The following DENND1B variants were observed in gnomAD, a reference collection of about 807,000 sequenced individuals.
DENND1B encodes the protein DENN domain-containing protein 1B.
A neutral mutation model predicts 90.1 loss-of-function variants in DENND1B; 59 were observed. The observed-to-expected ratio is 0.65, with a 90% confidence interval of 0.53 to 0.81. The LOEUF is 0.81. Among genes scored for constraint, DENND1B ranks in the 40% least tolerant of loss-of-function variants. The pLI, the probability that DENND1B is intolerant of heterozygous loss-of-function variation, is 0.00. For synonymous variants in DENND1B, 337 were observed against 324.6 expected (o/e 1.04, Z -0.41); for missense variants, 862 against 912.6 (o/e 0.94, Z 0.71).
At chr1:197,516,980 G>T (rs1382470485) in intron 20 of DENND1B, among the ~76,000 whole-genome samples, 1 of 151,688 alleles carries the variant, frequency 6.6e-6, no homozygotes, top group Non-Finnish European at 1.5e-5. Flanking sequence ...CCTCTGTATG[G>T]CCACATATTT....
chr1:197,761,714 A>T (rs1199673478), intron 2 of DENND1B: 2 of 152,184 alleles, frequency 1.3e-5, no homozygotes, highest in East Asian at 1.9e-4. Context: ...AGATAAAATT[A>T]TTATTTTAAT....
intron 10 of DENND1B, among the ~76,000 whole-genome samples, chr1:197,634,570 G>T (rs987937497): frequency 2.0e-5 from 3 of 152,132 alleles, no homozygotes; most frequent in Non-Finnish European, 4.4e-5. Context: ...TCTGAAAAGG[G>T]TTTAAGATGT....
At chr1:197,574,765 C>T (rs1253133844) in intron 15 of DENND1B, among the ~76,000 whole-genome samples, 1 of 152,112 alleles carries the variant, frequency 6.6e-6, no homozygotes, top group Non-Finnish European at 1.5e-5. Flanking sequence ...TGGAACAGAA[C>T]AGAGCCCTCA....
intron 20 of DENND1B, among the ~76,000 whole-genome samples, chr1:197,537,046 A>G (rs926704682): frequency 1.3e-5 from 2 of 150,144 alleles, no homozygotes; most frequent in African/African-American, 4.9e-5. Context: ...GTCTCAGAGA[A>G]AAAAAAAAAA....
At chr1:197,754,406 G>T (rs947442560) in intron 2 of DENND1B, among the ~76,000 whole-genome samples, 1 of 151,904 alleles carries the variant, frequency 6.6e-6, no homozygotes, top group Admixed American at 6.6e-5. Flanking sequence ...GATAAAGTAG[G>T]CCAGGCACAG....
At chr1:197,586,434 C>T (rs1049707238) in intron 14 of DENND1B, among the ~76,000 whole-genome samples, 1 of 151,382 alleles carries the variant, frequency 6.6e-6, no homozygotes, top group Admixed American at 6.6e-5. Flanking sequence ...ATACATATAC[C>T]TCACATAAAT....
intron 14 of DENND1B, among the ~76,000 whole-genome samples, chr1:197,592,771 G>A (rs1675350434): frequency 6.6e-6 from 1 of 152,138 alleles, no homozygotes; most frequent in Non-Finnish European, 1.5e-5. Context: ...ACCTGAGACT[G>A]ATCTGTCATT....
chr1:197,626,936 G>A (rs1252237395), intron 10 of DENND1B, among the ~76,000 whole-genome samples: 1 of 152,058 alleles, frequency 6.6e-6, no homozygotes, highest in South Asian at 2.1e-4. Context: ...AGAAGAAATG[G>A]ATAAATTCCT....
At chr1:197,568,832 A>G (rs1031660980) in intron 15 of DENND1B, among the ~76,000 whole-genome samples, 5 of 152,134 alleles carry the variant, frequency 3.3e-5, no homozygotes, top group African/African-American at 4.8e-5. Context: ...ATTTATAAAC[A>G]TAAGACCTGA....
At chr1:197,746,702 TA>T in intron 2 of DENND1B, 1 of 837,500 alleles carries the variant, frequency 1.2e-6, no homozygotes, top group Non-Finnish European at 2.1e-6. Flanking sequence ...ACGTTCTCAG[TA>T]AATTGAGCAT....
At chr1:197,523,719 C>G (rs537344090) in intron 20 of DENND1B, among the ~76,000 whole-genome samples, 1 of 152,090 alleles carries the variant, frequency 6.6e-6, no homozygotes, top group Non-Finnish European at 1.5e-5. Context: ...GTTCATTTTC[C>G]GATGGACTCA....
At chr1:197,701,448 A>T (rs1458060530) in intron 3 of DENND1B, among the ~76,000 whole-genome samples, 3 of 152,062 alleles carry the variant, frequency 2.0e-5, no homozygotes, top group Admixed American at 1.3e-4. Flanking sequence ...GGGTGAGGGG[A>T]AGGAACTTAG....
intron 14 of DENND1B, among the ~76,000 whole-genome samples, chr1:197,588,579 G>C (rs75423214): frequency 0.017 from 2,596 of 152,134 alleles, 78 homozygotes; most frequent in African/African-American, 0.06. Context: ...TACAAAAGGA[G>C]TATAAACAAA....
chr1:197,694,390 T>C (rs1352620915), intron 3 of DENND1B, among the ~76,000 whole-genome samples: 1 of 151,476 alleles, frequency 6.6e-6, no homozygotes, highest in Non-Finnish European at 1.5e-5. Flanking sequence ...GTTTCCATTA[T>C]TTGTTTCACT....
chr1:197,608,763 C>G (rs1411952786), intron 12 of DENND1B, among the ~76,000 whole-genome samples: 3 of 150,424 alleles, frequency 2.0e-5, no homozygotes, highest in Non-Finnish European at 4.5e-5. Flanking sequence ...CAACTCAGAA[C>G]AAGGAAATTG....
At chr1:197,750,574 A>ATAGG (rs1275956902) in intron 2 of DENND1B, among the ~76,000 whole-genome samples, 1 of 78,636 alleles carries the variant, frequency 1.3e-5, no homozygotes, top group South Asian at 4.3e-4. Context: ...GCAAACCTAG[A>ATAGG]TAGATAGATA....
chr1:197,675,948 C>T (rs1656018377), intron 3 of DENND1B, among the ~76,000 whole-genome samples: 1 of 151,856 alleles, frequency 6.6e-6, no homozygotes, highest in African/African-American at 2.4e-5. Flanking sequence ...CACGTGCATA[C>T]ACTTCTGTGA....
At position 197,646,497 on chromosome 1, in the gene DENND1B, T is replaced by C. The variant is rs150531560; in HGVS notation, c.507+558A>G. Among the ~76,000 whole-genome samples the C allele has an allele frequency of 3.7e-3, 568 of 152,106 alleles. 5 individuals are homozygous for C. The highest frequency in any genetic ancestry group is 5.3e-3 in the Non-Finnish European group (358 of 67,850). On this transcript the variant is annotated intron_variant, in intron 8 of 22. Transcript: ENST00000620048. ...TACCACCCAGAATCAAAGTGCAATTTAATCATCAAAAGTTTTATTTTCTGT... is the reference window on the plus strand; with the variant it reads ...TACCACCCAGAATCAAAGTGCAATTCAATCATCAAAAGTTTTATTTTCTGT...
intron 15 of DENND1B, among the ~76,000 whole-genome samples, chr1:197,565,467 T>C (rs1028326548): frequency 4.8e-5 from 7 of 146,432 alleles, no homozygotes; most frequent in Middle Eastern, 3.4e-3. Context: ...ATTTTCTTTT[T>C]TTTCTTTCTT....
Sources: allele counts gnomAD v4.1 joint callset (sites outside exome capture counted in the v4.1 genomes callset), GRCh38; gene constraint gnomAD v4.1.1; transcripts MANE v1.5; gene names NCBI Gene and HGNC (gene_info 2026-07-23, HGNC 2026-07-21).